The following ADAM12 variants were observed in gnomAD, a reference collection of about 807,000 sequenced individuals.
The protein encoded by ADAM12 is ADAM metallopeptidase domain 12, also known as disintegrin and metalloproteinase domain-containing protein 12.
A neutral mutation model predicts 106.4 loss-of-function variants in ADAM12; 70 were observed. The ratio of observed to expected loss-of-function variants is 0.66; its 90% CI spans 0.54 to 0.80. ADAM12 has a LOEUF of 0.80. ADAM12 is among the 30% of genes least tolerant of loss of function. ADAM12 has a pLI of 0.00. For missense variants in ADAM12, 1,010 were observed against 1,171.9 expected, an observed-to-expected ratio of 0.86 and a Z score of 2.02; for synonymous variants, 420 against 433.5, an observed-to-expected ratio of 0.97 and a Z score of 0.39.
chr10:126,025,679 GGT>G (rs371642182), intron 21 of ADAM12, among the ~76,000 whole-genome samples: 10 of 152,088 alleles, frequency 6.6e-5, no homozygotes, highest in African/African-American at 2.2e-4. Flanking sequence ...CTCATCCAAA[GGT>G]GTCAGCAACC....
intron 2 of ADAM12, among the ~76,000 whole-genome samples, chr10:126,303,790 T>A (rs2133803797): frequency 1.3e-5 from 2 of 152,292 alleles, no homozygotes; most frequent in East Asian, 1.9e-4. Context: ...ATGCCTCACC[T>A]TGTTTGTCCT....
At chr10:126,265,626 A>G (rs567389277) in intron 3 of ADAM12, among the ~76,000 whole-genome samples, 92 of 152,294 alleles carry the variant, frequency 6.0e-4, no homozygotes, top group Non-Finnish European at 1.1e-3. Flanking sequence ...ACACTGAATT[A>G]CCTACCAGTA....
intron 1 of ADAM12, among the ~76,000 whole-genome samples, chr10:126,338,036 C>A (rs1224537757): frequency 6.6e-6 from 1 of 152,134 alleles, no homozygotes; most frequent in Non-Finnish European, 1.5e-5. Flanking sequence ...GAAATAAAAG[C>A]AATCAAGTGC....
intron 2 of ADAM12, among the ~76,000 whole-genome samples, chr10:126,281,615 T>C (rs1409960640): frequency 1.3e-5 from 2 of 152,334 alleles, no homozygotes; most frequent in Middle Eastern, 3.4e-3. Flanking sequence ...GCTACTTTAA[T>C]TGAAGACCAC....
At chr10:126,347,357 C>A (rs1461929498) in intron 1 of ADAM12, among the ~76,000 whole-genome samples, 1 of 152,158 alleles carries the variant, frequency 6.6e-6, no homozygotes, top group African/African-American at 2.4e-5. Context: ...GCCCCCACTC[C>A]CTTCTGGCTT....
intron 1 of ADAM12, among the ~76,000 whole-genome samples, chr10:126,338,513 A>G (rs1490013981): frequency 8.6e-5 from 13 of 151,900 alleles, no homozygotes; most frequent in Admixed American, 8.5e-4. Flanking sequence ...CGGCCTCCCA[A>G]AGTGCTGGGA....
At chr10:126,024,918 C>T (rs1174704659) in intron 21 of ADAM12, among the ~76,000 whole-genome samples, 1 of 151,880 alleles carries the variant, frequency 6.6e-6, no homozygotes, top group African/African-American at 2.4e-5. Context: ...GAACCCTCAC[C>T]ATGGGAAGTG....
intron 2 of ADAM12, among the ~76,000 whole-genome samples, chr10:126,312,919 T>C (rs1018236590): frequency 6.6e-6 from 1 of 152,202 alleles, no homozygotes; most frequent in East Asian, 1.9e-4. Flanking sequence ...GTCTTCAGAT[T>C]TTGCAGTTTC....
chr10:126,167,638 T>A (rs1177252661), intron 3 of ADAM12, among the ~76,000 whole-genome samples: 1 of 147,608 alleles, frequency 6.8e-6, no homozygotes, highest in Non-Finnish European at 1.5e-5. Flanking sequence ...GAGTGAACGA[T>A]CAAACTCATT....
chr10:126,261,766 A>G (rs1301205559), intron 3 of ADAM12, among the ~76,000 whole-genome samples: 1 of 151,978 alleles, frequency 6.6e-6, no homozygotes, highest in African/African-American at 2.4e-5. Flanking sequence ...CACAGATTAA[A>G]AGGCCTTTTC....
intron 3 of ADAM12, among the ~76,000 whole-genome samples, chr10:126,159,911 A>T (rs928891047): frequency 1.8e-5 from 2 of 109,442 alleles, no homozygotes; most frequent in Admixed American, 9.4e-5. Flanking sequence ...GTTCTTAAGC[A>T]CTGTGTTATG....
chr10:126,065,741 T>C (rs991256827), intron 13 of ADAM12, among the ~76,000 whole-genome samples: 1 of 152,170 alleles, frequency 6.6e-6, no homozygotes, highest in African/African-American at 2.4e-5. Context: ...TCGAAAGCAA[T>C]TGTTAAAAAG....
chr10:126,318,241 C>T (rs970168758), intron 2 of ADAM12, among the ~76,000 whole-genome samples: 2 of 152,066 alleles, frequency 1.3e-5, no homozygotes, highest in African/African-American at 4.8e-5. Flanking sequence ...CTCTCACACA[C>T]ACTCTCACAC....
chr10:126,145,987 A>C (rs1053320918), intron 4 of ADAM12, among the ~76,000 whole-genome samples: 2 of 152,220 alleles, frequency 1.3e-5, no homozygotes, highest in African/African-American at 2.4e-5. Flanking sequence ...ATGTAAATGC[A>C]ATCTTGTGAT....
intron 13 of ADAM12, among the ~76,000 whole-genome samples, chr10:126,065,740 A>G (rs1421190792): frequency 3.3e-5 from 5 of 152,164 alleles, no homozygotes; most frequent in Admixed American, 3.3e-4. Context: ...GTCGAAAGCA[A>G]TTGTTAAAAA....
At chr10:126,123,122 A>G (rs921472698) in intron 5 of ADAM12, among the ~76,000 whole-genome samples, 1 of 152,238 alleles carries the variant, frequency 6.6e-6, no homozygotes, top group African/African-American at 2.4e-5. Flanking sequence ...GCTTAATTAA[A>G]TAATTGCTTT....
In ADAM12 at chr10:126,328,885, G is replaced by C. The variant is rs371276022; in HGVS notation, c.186+1527C>G. On this transcript the variant is annotated intron_variant, in intron 2 of 22. Transcript: ENST00000448723. ...GTGACCCACAAGCACCAGGTGGTAA[G>C]CTTGGCCAGCAGTAGATGTGCCAGT... Among the ~76,000 whole-genome samples, 23 of 152,232 alleles carry C rather than the reference G, an allele frequency of 1.5e-4. 1 individual carries two copies. Among genetic ancestry groups the C allele is most frequent in the African/African-American group, 4.8e-4 (20 of 41,538 alleles).
At chr10:126,030,775 G>A (rs1953958462) in intron 21 of ADAM12, among the ~76,000 whole-genome samples, 1 of 152,172 alleles carries the variant, frequency 6.6e-6, no homozygotes, top group East Asian at 1.9e-4. Context: ...AAAGTTTCTG[G>A]AAGTATTGGG....
intron 20 of ADAM12, 135 bp downstream of exon 20, chr10:126,038,106 G>T: frequency 1.2e-6 from 1 of 859,640 alleles, no homozygotes; most frequent in Non-Finnish European, 1.9e-6. Flanking sequence ...CCCTCCCTCA[G>T]AGCCTGCTGA....
Sources: gnomAD v4.1 joint callset for allele counts (sites outside exome capture counted in the v4.1 genomes callset) on GRCh38, gnomAD v4.1.1 for gene constraint, MANE v1.5 for transcripts, NCBI Gene and HGNC (gene_info 2026-07-23, HGNC 2026-07-21) for gene names.